SHB: variants seen among roughly 807,000 people sequenced by gnomAD.
SHB encodes the protein SH2 domain-containing adapter protein B.
SHB carries 20 observed loss-of-function variants against 52.3 expected under a neutral mutation model. The observed-to-expected ratio is 0.38, with a 90% confidence interval of 0.27 to 0.56. The LOEUF is 0.56. Ranked by LOEUF, SHB falls within the 20% of genes least tolerant of loss-of-function variation. The pLI is 0.71. For missense variants in SHB, 825 were observed against 723.3 expected (o/e 1.14, Z -1.61); for synonymous variants, 397 against 316.5 (o/e 1.25, Z -2.70).
intron 1 of SHB, among the ~76,000 whole-genome samples, chr9:38,034,597 C>T (rs533761197): frequency 6.6e-6 from 1 of 152,386 alleles, no homozygotes; most frequent in East Asian, 1.9e-4. Context: ...TCTGATCCCA[C>T]AGAACACGCC....
At chr9:37,933,744 G>A (rs1369497934) in intron 5 of SHB, among the ~76,000 whole-genome samples, 2 of 152,150 alleles carry the variant, frequency 1.3e-5, no homozygotes, top group East Asian at 3.9e-4. Context: ...TCACCAGAGA[G>A]CTCATTCCCC....
At chr9:38,031,612 A>T (rs1224976013) in intron 1 of SHB, among the ~76,000 whole-genome samples, 1 of 152,104 alleles carries the variant, frequency 6.6e-6, no homozygotes, top group Non-Finnish European at 1.5e-5. Context: ...AAGAGCACTG[A>T]CTTTTCCAGA....
At chr9:38,048,514 G>C (rs1030678706) in intron 1 of SHB, among the ~76,000 whole-genome samples, 8 of 152,070 alleles carry the variant, frequency 5.3e-5, no homozygotes, top group African/African-American at 1.7e-4. Context: ...AGTGCCTGTA[G>C]TCCCAGCTAC....
At chr9:37,924,248 CCGGGCACGCA>C (rs1832218814) in intron 5 of SHB, among the ~76,000 whole-genome samples, 2 of 152,130 alleles carry the variant, frequency 1.3e-5, no homozygotes, top group Non-Finnish European at 2.9e-5. Context: ...ATCAAATGTG[CCGGGCACGCA>C]GGGCTAATAA....
chr9:37,990,768 C>G (rs1820871718), intron 2 of SHB, among the ~76,000 whole-genome samples: 4 of 152,190 alleles, frequency 2.6e-5, no homozygotes. Flanking sequence ...GAATAACCTA[C>G]AAGTCTATGA....
intron 1 of SHB, among the ~76,000 whole-genome samples, chr9:38,056,094 A>C (rs1453383178): frequency 6.6e-6 from 1 of 152,208 alleles, no homozygotes; most frequent in African/African-American, 2.4e-5. Flanking sequence ...TCATTATCAT[A>C]ATCACTGATG....
chr9:37,968,372 CT>C (rs1820554629), intron 3 of SHB, among the ~76,000 whole-genome samples: 1 of 152,204 alleles, frequency 6.6e-6, no homozygotes, highest in Non-Finnish European at 1.5e-5. Flanking sequence ...GGCATGTGAA[CT>C]TGGGACTGTC....
At chr9:38,013,993 C>G (rs529365640) in intron 2 of SHB, among the ~76,000 whole-genome samples, 8 of 152,274 alleles carry the variant, frequency 5.3e-5, no homozygotes, top group African/African-American at 1.9e-4. Flanking sequence ...GGAGTCTGGT[C>G]CCTGGCAGGG....
chr9:37,997,217 C>G (rs184226614), intron 2 of SHB, among the ~76,000 whole-genome samples: 397 of 152,342 alleles, frequency 2.6e-3, no homozygotes, highest in Admixed American at 4.7e-3. Flanking sequence ...CAGGCTGTAT[C>G]TCCATTTGCA....
chr9:37,987,286 C>G (rs927624609), intron 2 of SHB, among the ~76,000 whole-genome samples: 1 of 152,238 alleles, frequency 6.6e-6, no homozygotes, highest in African/African-American at 2.4e-5. Context: ...TAAGTGCATG[C>G]CATCCAGCTT....
chr9:37,951,260 G>A (rs1364463267), intron 4 of SHB, among the ~76,000 whole-genome samples: 1 of 152,244 alleles, frequency 6.6e-6, no homozygotes, highest in Admixed American at 6.5e-5. Context: ...AAGGCAGGAA[G>A]AGCATGCAGA....
intron 2 of SHB, among the ~76,000 whole-genome samples, chr9:37,994,056 T>C (rs529626553): frequency 1.3e-5 from 2 of 152,358 alleles, no homozygotes; most frequent in South Asian, 2.1e-4. Context: ...TGCAAAATAA[T>C]GGAACCATAG....
intron 3 of SHB, among the ~76,000 whole-genome samples, chr9:37,967,322 G>C (rs1820538614): frequency 6.6e-6 from 1 of 152,188 alleles, no homozygotes; most frequent in Admixed American, 6.5e-5. Context: ...TTAGGAAATA[G>C]ACATACCTGG....
chr9:37,974,489 G>A, intron 3 of SHB, 133 bp downstream of exon 3: 1 of 720,174 alleles, frequency 1.4e-6, no homozygotes, highest in Non-Finnish European at 2.3e-6. Context: ...CATCTGTGAG[G>A]GTACTGAGAA....
intron 2 of SHB, among the ~76,000 whole-genome samples, chr9:38,011,534 A>G (rs1196475034): frequency 6.6e-6 from 1 of 152,116 alleles, no homozygotes; most frequent in Non-Finnish European, 1.5e-5. Flanking sequence ...CTGGGTGACT[A>G]GTGAGTCACT....
intron 5 of SHB, among the ~76,000 whole-genome samples, chr9:37,943,296 T>C (rs1832455153): frequency 6.6e-6 from 1 of 152,178 alleles, no homozygotes; most frequent in African/African-American, 2.4e-5. Flanking sequence ...TACTTTCTAC[T>C]TCGGGCAGCC....
At chr9:38,035,004 T>C (rs1013301490) in intron 1 of SHB, among the ~76,000 whole-genome samples, 10 of 152,158 alleles carry the variant, frequency 6.6e-5, no homozygotes, top group Admixed American at 1.3e-4. Flanking sequence ...GCCTGGGCCT[T>C]GTACTTTAAT....
chr9:38,033,678 TC>T (rs1471616766), intron 1 of SHB, among the ~76,000 whole-genome samples: 1 of 152,184 alleles, frequency 6.6e-6, no homozygotes. Flanking sequence ...AAACAGGTGG[TC>T]CCGAGTTTCC....
At chr9:37,978,797 A>T (rs368930982) in intron 2 of SHB, among the ~76,000 whole-genome samples, 17 of 152,372 alleles carry the variant, frequency 1.1e-4, no homozygotes, top group African/African-American at 4.1e-4. Context: ...AGGAGAAGGG[A>T]TTATCGCGTA....
Sources: allele counts gnomAD v4.1 joint callset (sites outside exome capture counted in the v4.1 genomes callset), GRCh38; gene constraint gnomAD v4.1.1; transcripts MANE v1.5; gene names NCBI Gene and HGNC (gene_info 2026-07-23, HGNC 2026-07-21).